Variants in RELL1 observed in about 807,000 individuals in gnomAD.
The protein encoded by RELL1 is RELT like 1, also known as RELT-like protein 1.
Under a neutral mutation model 23.0 loss-of-function variants are expected in RELL1, and 10 were observed. The ratio of observed to expected loss-of-function variants is 0.43; its 90% CI spans 0.27 to 0.74. The LOEUF is 0.74. Ranked by LOEUF, RELL1 falls within the 30% of genes least tolerant of loss-of-function variation. The pLI is 0.19. For synonymous variants in RELL1, 146 were observed against 146.8 expected, an observed-to-expected ratio of 0.99 and a Z score of 0.04; for missense variants, 315 against 364.4, an observed-to-expected ratio of 0.86 and a Z score of 1.10.
At chr4:37,601,508 C>A (rs1719015192) in intron 6 of RELL1, among the ~76,000 whole-genome samples, 1 of 152,214 alleles carries the variant, frequency 6.6e-6, no homozygotes, top group South Asian at 2.1e-4. Context: ...GCAAAGGCAT[C>A]TGAATGCCAA....
intron 4 of RELL1, 106 bp downstream of exon 4, chr4:37,638,341 T>G: frequency 1.2e-6 from 1 of 859,798 alleles, no homozygotes. Flanking sequence ...AACTATAGTG[T>G]TAAAGCTGGG....
At chr4:37,679,875 C>A (rs1722145146) in intron 1 of RELL1, among the ~76,000 whole-genome samples, 1 of 151,986 alleles carries the variant, frequency 6.6e-6, no homozygotes, top group African/African-American at 2.4e-5. Context: ...TCTCTTGAAC[C>A]CGGGAGGCGG....
At chr4:37,640,115 C>T (rs762496698) in intron 3 of RELL1, among the ~76,000 whole-genome samples, 1 of 152,196 alleles carries the variant, frequency 6.6e-6, no homozygotes, top group Non-Finnish European at 1.5e-5. Flanking sequence ...TTAGGGGACA[C>T]ATTGCCCCAT....
At chr4:37,623,328 T>C (rs1372643167) in intron 6 of RELL1, 1 of 154,820 alleles carries the variant, frequency 6.5e-6, no homozygotes, top group East Asian at 1.9e-4. Flanking sequence ...ATCAGTTCTG[T>C]GAGCTATTGA....
intron 1 of RELL1, among the ~76,000 whole-genome samples, chr4:37,683,091 G>A (rs996275664): frequency 6.6e-6 from 1 of 152,144 alleles, no homozygotes; most frequent in Non-Finnish European, 1.5e-5. Flanking sequence ...ACTACCCACC[G>A]TGAAGCTATC....
intron 1 of RELL1, 28 bp downstream of exon 1, chr4:37,686,172 G>T: frequency 6.4e-7 from 1 of 1,550,414 alleles, no homozygotes; most frequent in East Asian, 2.4e-5. Flanking sequence ...CTCAGCACCC[G>T]GCGCCCCGGC....
At chr4:37,622,896 C>G (rs1328960456) in intron 6 of RELL1, 1 of 445,624 alleles carries the variant, frequency 2.2e-6, no homozygotes, top group East Asian at 7.0e-5. Flanking sequence ...CCTCTGCCTC[C>G]CGGGTTCAAC....
chr4:37,668,910 G>A (rs1448514966), intron 1 of RELL1, among the ~76,000 whole-genome samples: 5 of 148,670 alleles, frequency 3.4e-5, no homozygotes, highest in East Asian at 2.0e-4. Flanking sequence ...CGGCCGCCCC[G>A]TCTGAGAAGT....
intron 1 of RELL1, among the ~76,000 whole-genome samples, chr4:37,677,771 G>A (rs780362045): frequency 1.3e-5 from 2 of 152,166 alleles, no homozygotes; most frequent in Non-Finnish European, 2.9e-5. Flanking sequence ...AGGAGTTCCA[G>A]ACCAGCCTAG....
At chr4:37,665,241 A>C (rs1305378872) in intron 1 of RELL1, 2 of 456,170 alleles carry the variant, frequency 4.4e-6, no homozygotes, top group African/African-American at 4.0e-5. Flanking sequence ...TACAAACATA[A>C]ATAAGTAGAT....
chr4:37,635,297 T>G (rs1009096975), intron 4 of RELL1, among the ~76,000 whole-genome samples, 174 bp from the exon 5 acceptor site: 2 of 152,164 alleles, frequency 1.3e-5, no homozygotes, highest in Non-Finnish European at 2.9e-5. Context: ...TCAGTTCTCA[T>G]GACCATGCGA....
chr4:37,643,518 G>A (rs547673397), intron 3 of RELL1, among the ~76,000 whole-genome samples: 5 of 152,232 alleles, frequency 3.3e-5, no homozygotes, highest in African/African-American at 9.6e-5. Context: ...CTAAACACAC[G>A]TGGGAAAAGG....
At chr4:37,633,716 G>C (rs1245062051) in intron 5 of RELL1, among the ~76,000 whole-genome samples, 3 of 152,186 alleles carry the variant, frequency 2.0e-5, no homozygotes, top group Non-Finnish European at 4.4e-5. Context: ...TTTCTTGAGT[G>C]CGTAAGTACC....
chr4:37,635,190 C>T, intron 4 of RELL1, 67 bp from the exon 5 acceptor site: 1 of 1,252,100 alleles, frequency 8.0e-7, no homozygotes. Context: ...TGATCTCTCT[C>T]CCTGTGATGA....
At chr4:37,671,320 T>G (rs1577606976) in intron 1 of RELL1, among the ~76,000 whole-genome samples, 1 of 152,318 alleles carries the variant, frequency 6.6e-6, no homozygotes, top group Non-Finnish European at 1.5e-5. Context: ...TGAGACCTAC[T>G]GAGTTGCATT....
At chr4:37,672,517 A>G (rs183271371) in intron 1 of RELL1, among the ~76,000 whole-genome samples, 2 of 151,990 alleles carry the variant, frequency 1.3e-5, no homozygotes, top group African/African-American at 2.4e-5. Context: ...GAAAAGATCA[A>G]CCTTCTCAAT....
chr4:37,618,399 TTTTA>T (rs554993822), intron 6 of RELL1, among the ~76,000 whole-genome samples: 21 of 151,848 alleles, frequency 1.4e-4, no homozygotes, highest in Non-Finnish European at 1.2e-4. Flanking sequence ...TTTTATTTTT[TTTTA>T]TTTATTTATT....
chr4:37,669,931 A>G (rs2109307638), intron 1 of RELL1, among the ~76,000 whole-genome samples: 1 of 151,468 alleles, frequency 6.6e-6, no homozygotes, highest in Admixed American at 6.6e-5. Context: ...GCCTAGGAAA[A>G]CCAGAGACCT....
intron 6 of RELL1, among the ~76,000 whole-genome samples, chr4:37,594,327 G>C (rs1329173069): frequency 2.6e-5 from 4 of 152,202 alleles, no homozygotes; most frequent in African/African-American, 9.7e-5. Context: ...TGTCAGAAAA[G>C]TGATGTTGAA....
Sources: allele counts gnomAD v4.1 joint callset (sites outside exome capture counted in the v4.1 genomes callset), GRCh38; gene constraint gnomAD v4.1.1; transcripts MANE v1.5; gene names NCBI Gene and HGNC (gene_info 2026-07-23, HGNC 2026-07-21).